PCDHGA7: variants seen among roughly 807,000 people sequenced by gnomAD.
PCDHGA7 encodes protocadherin gamma subfamily A, 7.
PCDHGA7 carries 44 observed loss-of-function variants against 58.3 expected under a neutral mutation model. The ratio of observed to expected loss-of-function variants is 0.75; its 90% CI spans 0.59 to 0.97. The LOEUF is 0.97. Among genes scored for constraint, PCDHGA7 ranks in the 50% least tolerant of loss-of-function variants. The pLI is 0.00. For synonymous variants in PCDHGA7, 516 were observed against 504.2 expected (o/e 1.02, Z -0.31); for missense variants, 1,266 against 1,188.7 (o/e 1.06, Z -0.96).
intron 1 of PCDHGA7, among the ~76,000 whole-genome samples, chr5:141,482,800 G>A (rs10052648): frequency 7.6e-6 from 1 of 130,764 alleles, no homozygotes; most frequent in South Asian, 2.2e-4. Flanking sequence ...GGCCGGGTAC[G>A]GTGGCTCATG....
chr5:141,418,007 C>G (rs1561770675), intron 1 of PCDHGA7: 1 of 1,613,904 alleles, frequency 6.2e-7, no homozygotes, highest in Non-Finnish European at 8.5e-7. Flanking sequence ...GGTGGGGAAC[C>G]TCGCTAAGGA....
chr5:141,494,736 T>A, intron 1 of PCDHGA7, 71 bp from the exon 2 acceptor site: 2 of 1,611,858 alleles, frequency 1.2e-6, no homozygotes, highest in Non-Finnish European at 1.7e-6. Flanking sequence ...TCCCGGCCCA[T>A]CCCTAGGGGC....
intron 1 of PCDHGA7, among the ~76,000 whole-genome samples, chr5:141,466,868 CA>C (rs1343260699): frequency 1.3e-5 from 2 of 152,100 alleles, no homozygotes; most frequent in African/African-American, 2.4e-5. Flanking sequence ...GAAATCCACA[CA>C]TTTTTTTCAT....
chr5:141,390,746 T>C (rs1391007986), intron 1 of PCDHGA7: 1 of 172,782 alleles, frequency 5.8e-6, no homozygotes, highest in African/African-American at 2.4e-5. Context: ...TCCATAGTAG[T>C]CCACTGTTTT....
intron 1 of PCDHGA7, chr5:141,422,041 G>A (rs371079504): frequency 2.1e-5 from 34 of 1,611,632 alleles, no homozygotes; most frequent in Non-Finnish European, 2.9e-5. Flanking sequence ...GGATCCAGAC[G>A]AGGGAATCAA....
intron 1 of PCDHGA7, chr5:141,418,998 G>C (rs757681244): frequency 1.9e-6 from 3 of 1,613,940 alleles, no homozygotes; most frequent in South Asian, 1.1e-5. Context: ...GGGGAAAATG[G>C]GGAAGTCAGG....
chr5:141,418,125 G>C, intron 1 of PCDHGA7: 1 of 1,614,086 alleles, frequency 6.2e-7, no homozygotes. Flanking sequence ...GTGAAGGACC[G>C]AATAGACCGT....
chr5:141,478,660 T>C, intron 1 of PCDHGA7: 2 of 1,551,848 alleles, frequency 1.3e-6, no homozygotes, highest in Non-Finnish European at 1.7e-6. Flanking sequence ...TGGTGATGCA[T>C]TCACACTTTC....
rs1421124374 is a variant in PCDHGA7, at chr5:141,431,186, A to G, written c.2424+45863A>G. The G allele has an allele frequency of 1.9e-6, 3 of 1,614,110 alleles. No individual in the cohort carries two copies. ...TGAAAGTGAATTAGAAATAAAAATT[A>G]GTGAAAATGCAGCCACTGAGATGCG... On this transcript the variant is annotated intron_variant, in intron 1 of 3. Transcript: ENST00000518325. This position sits in a 1 kb window ranked among gnomAD's most constrained non-coding sequence, Gnocchi z 4.8.
chr5:141,394,625 G>A, intron 1 of PCDHGA7: 1 of 1,613,496 alleles, frequency 6.2e-7, no homozygotes, highest in African/African-American at 1.3e-5. Flanking sequence ...ACGCCTGGCT[G>A]TCCTACCGCC....
rs983998465 is a variant in PCDHGA7 at position 141,494,817 on chromosome 5, C to T, written c.2435C>T (p.Pro812Leu). ...ENLPSIQQAP[P>L]NTDWRFSQAQ... ...CTGTTTTCTCCACAGCAAGCCCCGC[C>T]CAACACGGACTGGCGTTTCTCTCAG... The change falls in exon 2 of 4, where the codon CCC becomes CTC. Residue 812 changes from proline to leucine, a missense_variant. Transcript: ENST00000518325. 1.2e-6 allele frequency: 2 copies of T among 1,614,016 alleles called. No individual in the cohort carries two copies. Among genetic ancestry groups the T allele is most frequent in the Non-Finnish European group, 1.7e-6 (2 of 1,180,026 alleles).
At chr5:141,412,561 T>G (rs1183372771) in intron 1 of PCDHGA7, 3 of 152,184 alleles carry the variant, frequency 2.0e-5, no homozygotes, top group Admixed American at 6.5e-5. Context: ...TCTCATGAGT[T>G]TATTTAATAT....
At chr5:141,418,811 A>C in intron 1 of PCDHGA7, 1 of 1,613,916 alleles carries the variant, frequency 6.2e-7, no homozygotes. Context: ...ATATACGATA[A>C]ACATAGAAGC....
At chr5:141,404,917 G>C in intron 1 of PCDHGA7, 1 of 1,613,772 alleles carries the variant, frequency 6.2e-7, no homozygotes, top group Non-Finnish European at 8.5e-7. Flanking sequence ...CCCCTCTCTC[G>C]GCCACTGTCA....
rs2099693161 is a variant in PCDHGA7, at chr5:141,489,871, G to T, written c.2425-4936G>T. ...TGAAGCCCAGGCAAGACATCAGCTG[G>T]TGCTTACTGCTGTGGATGGGGGGAC... On this transcript the variant is annotated intron_variant, in intron 1 of 3. Coordinates refer to ENST00000518325, the MANE Select transcript of PCDHGA7 (RefSeq NM_018920.4). This position sits in a 1 kb window ranked among gnomAD's most constrained non-coding sequence, Gnocchi z 4.5. The T allele has an allele frequency of 6.2e-7, 1 of 1,614,088 alleles. No homozygotes were observed. Among genetic ancestry groups the T allele is most frequent in the Non-Finnish European group, 8.5e-7 (1 of 1,180,022 alleles).
chr5:141,387,788 A>G, intron 1 of PCDHGA7: 2 of 1,487,916 alleles, frequency 1.3e-6, no homozygotes, highest in Non-Finnish European at 1.8e-6. Flanking sequence ...TGGAACTGCA[A>G]CTAAAGTCCG....
chr5:141,426,806 T>C (rs1390972821), intron 1 of PCDHGA7: 1 of 456,600 alleles, frequency 2.2e-6, no homozygotes, highest in Non-Finnish European at 4.4e-6. Context: ...TCAGTTCTAA[T>C]GAACATTTCT....
At position 141,409,348 on chromosome 5, in the gene PCDHGA7, C is replaced by T. The variant is rs115471135; in HGVS notation, c.2424+24025C>T. The T allele has an allele frequency of 4.7e-4, 755 of 1,614,018 alleles. 4 individuals carry two copies. The African/African-American group carries it at 8.3e-3, about 18-fold the overall frequency. On this transcript the variant is annotated intron_variant, in intron 1 of 3. Coordinates refer to ENST00000518325, the MANE Select transcript of PCDHGA7 (RefSeq NM_018920.4). Reference sequence around the variant, plus strand: ...TGGATTTCGGAGGAAATGGAGAAGTCAGGTGTAATATAGAAACAGACATTC... The same window carrying T: ...TGGATTTCGGAGGAAATGGAGAAGTTAGGTGTAATATAGAAACAGACATTC...
rs764337284 is a variant in PCDHGA7, at chr5:141,490,255, G to A, written c.2425-4552G>A. Reference sequence around the variant, plus strand: ...GGAGGGCCACTGTGTGATTCAAGTGGATGTGGGGGATGTCAATGACAATGC... The same window carrying A: ...GGAGGGCCACTGTGTGATTCAAGTGAATGTGGGGGATGTCAATGACAATGC... On this transcript the variant is annotated intron_variant, in intron 1 of 3. Transcript: ENST00000518325. The surrounding 1 kb of genome is among the most constrained non-coding windows in gnomAD (Gnocchi z 5.4). 6 of 1,614,118 alleles carry A rather than the reference G, an allele frequency of 3.7e-6. No individual in the cohort carries two copies. In the Admixed American group the frequency reaches 6.7e-5, roughly 18 times the overall value.
Sources: gnomAD v4.1 joint callset for allele counts (sites outside exome capture counted in the v4.1 genomes callset) on GRCh38, gnomAD v4.1.1 for gene constraint, Gnocchi (gnomAD v3.1) non-coding constraint, MANE v1.5 for transcripts, NCBI Gene and HGNC (gene_info 2026-07-23, HGNC 2026-07-21) for gene names.